Variants in PROS1 observed in about 807,000 individuals in gnomAD.
The protein encoded by PROS1 is protein S.
A neutral mutation model predicts 75.9 loss-of-function variants in PROS1; 29 were observed. The ratio of observed to expected loss-of-function variants is 0.38; its 90% confidence interval spans 0.28 to 0.52. The LOEUF (loss-of-function observed/expected upper bound fraction) is 0.52, where lower values mean the gene tolerates loss of function less well. Among genes scored for constraint, PROS1 ranks in the 20% least tolerant of loss-of-function variants. PROS1 has a pLI of 0.83. For synonymous variants in PROS1, 245 were observed against 280.6 expected (o/e 0.87, Z 1.27); for missense variants, 680 against 810.3 (o/e 0.84, Z 1.95).
chr3:93,905,334 G>A (rs1430451917), intron 6 of PROS1, among the ~76,000 whole-genome samples: 2 of 152,176 alleles, frequency 1.3e-5, no homozygotes, highest in Non-Finnish European at 2.9e-5. Flanking sequence ...ATGCAGGCCA[G>A]GCAGAGAGCT....
chr3:93,921,048 G>T (rs1214218886), intron 3 of PROS1, among the ~76,000 whole-genome samples: 1 of 152,144 alleles, frequency 6.6e-6, no homozygotes, highest in East Asian at 1.9e-4. Context: ...TGTATGAACT[G>T]AGGTAATAAT....
rs1576196437 is a variant in PROS1 at position 93,923,792 on chromosome 3, C to CG, written c.259+447dup. ...GCACATGCCTGTAATCCCAGCTACT[C>CG]GGGAGGCTGAGGCACTTGAGAATCA... On this transcript the variant is annotated intron_variant, in intron 3 of 14. Coordinates refer to ENST00000394236, the MANE Select transcript of PROS1 (RefSeq NM_000313.4). 2.0e-5 allele frequency among the ~76,000 whole-genome samples: 3 copies of CG among 151,906 alleles called. No individual in the cohort carries two copies. In the East Asian group the frequency reaches 5.8e-4, roughly 29 times the overall value.
rs541565156 is a variant in PROS1, at chr3:93,928,959, G to T, written c.77-1552C>A. On this transcript the variant is annotated intron_variant, in intron 1 of 14. Transcript: ENST00000394236. The stretch of plus-strand genomic sequence containing the variant: ...GAATGATAATATCAATTATTGGTGA[G>T]AGTAAGGGAAAACATGCATTCTTGT... Among the ~76,000 whole-genome samples the T allele has an allele frequency of 2.0e-5, 3 of 152,290 alleles. No individual in the cohort carries two copies. The East Asian group carries it at 5.8e-4, about 29-fold the overall frequency.
At chr3:93,972,182 C>G (rs1709891271) in intron 1 of PROS1, among the ~76,000 whole-genome samples, 2 of 152,172 alleles carry the variant, frequency 1.3e-5, no homozygotes, top group Non-Finnish European at 2.9e-5. Context: ...TTGCCTTTCT[C>G]CTCTCCAAAA....
At chr3:93,946,275 T>C (rs762343687) in intron 1 of PROS1, among the ~76,000 whole-genome samples, 2 of 152,164 alleles carry the variant, frequency 1.3e-5, no homozygotes, top group African/African-American at 2.4e-5. Flanking sequence ...AAGCTACCAA[T>C]GACTTTCTTC....
At chr3:93,953,698 T>C (rs1271027455) in intron 1 of PROS1, among the ~76,000 whole-genome samples, 3 of 152,148 alleles carry the variant, frequency 2.0e-5, no homozygotes, top group Non-Finnish European at 4.4e-5. Context: ...ACCACTTGTA[T>C]TCAAAATAGG....
chr3:93,943,605 C>T (rs966060892), intron 1 of PROS1, among the ~76,000 whole-genome samples: 1 of 152,012 alleles, frequency 6.6e-6, no homozygotes, highest in African/African-American at 2.4e-5. Context: ...CTCCATACCA[C>T]CCCCCCAAAA....
At chr3:93,887,545 C>A (rs1396099241) in intron 10 of PROS1, among the ~76,000 whole-genome samples, 1 of 152,152 alleles carries the variant, frequency 6.6e-6, no homozygotes. Context: ...TATTAAAACA[C>A]CATGATAGGA....
chr3:93,897,435 C>T (rs560395913), intron 8 of PROS1, among the ~76,000 whole-genome samples: 1 of 151,888 alleles, frequency 6.6e-6, no homozygotes, highest in South Asian at 2.1e-4. Flanking sequence ...ATTTTATTTC[C>T]CCTTAAAACT....
intron 1 of PROS1, among the ~76,000 whole-genome samples, chr3:93,928,077 T>G (rs564335619): frequency 7.5e-6 from 1 of 133,628 alleles, no homozygotes; most frequent in African/African-American, 2.8e-5. Flanking sequence ...TGCAGTGGCA[T>G]GATCTCGGCT....
In PROS1 at chr3:93,906,111, T is replaced by G; in HGVS notation, c.379A>C (p.Asn127His). ...TTGCAGCTCATATATCCATCTTCAT[T>G]GCATGGCAGAGGACTACACTGGTCT... is the stretch of plus-strand genomic sequence containing the variant. ...IPDQCSPLPC[N>H]EDGYMSCKDG... The change falls in exon 5 of 15, where the codon AAT becomes CAT. Residue 127 changes from asparagine to histidine, a missense_variant. Physicochemically the swap from Asn to His is moderately conservative, Grantham distance 68 (BLOSUM62 1). Transcript: ENST00000394236. 2 of 1,614,028 alleles carry G rather than the reference T, an allele frequency of 1.2e-6. No individual in the cohort carries two copies. The highest frequency in any genetic ancestry group is 1.7e-6 in the Non-Finnish European group (2 of 1,179,998).
Position 93,942,230 on chromosome 3 carries a change from G to A in PROS1, c.77-14823C>T, listed in dbSNP as rs192224372. Reference sequence around the variant, plus strand: ...CCCCTCCACTCCCTCTCCGCAAGCCGAACTCATTGCCTTAACTAGAGCCCT... The same window carrying A: ...CCCCTCCACTCCCTCTCCGCAAGCCAAACTCATTGCCTTAACTAGAGCCCT... On this transcript the variant is annotated intron_variant, in intron 1 of 14. Coordinates refer to ENST00000394236, the MANE Select transcript of PROS1 (RefSeq NM_000313.4). 8.7e-4 allele frequency among the ~76,000 whole-genome samples: 133 copies of A among 152,138 alleles called. 2 individuals are homozygous for A. In the East Asian group the frequency reaches 0.021, roughly 24 times the overall value.
intron 12 of PROS1, 60 bp from the exon 13 acceptor site, chr3:93,879,374 A>G: frequency 6.4e-7 from 1 of 1,559,490 alleles, no homozygotes; most frequent in Non-Finnish European, 8.8e-7. Context: ...ATCAGAAGGA[A>G]TTATTATTAA....
chr3:93,897,319 C>T (rs985240617), intron 8 of PROS1, among the ~76,000 whole-genome samples: 1 of 151,698 alleles, frequency 6.6e-6, no homozygotes, highest in African/African-American at 2.4e-5. Context: ...TGAAAACAAA[C>T]ATTAAAATGA....
At position 93,927,245 on chromosome 3, in the gene PROS1, C is replaced by T. The variant is rs187264712; in HGVS notation, c.234+5G>A. ...GTGAACTTGATAGTTTCCATAAATG[C>T]TTACCGTTTCCGGGTCATTTTCAAA... On this transcript the variant is annotated splice_donor_5th_base_variant and intron_variant, in intron 2 of 14. Coordinates refer to ENST00000394236, the MANE Select transcript of PROS1 (RefSeq NM_000313.4). 1,289 of 1,612,214 alleles carry T rather than the reference C, an allele frequency of 8.0e-4. 2 individuals are homozygous for T. Among genetic ancestry groups the T allele is most frequent in the Non-Finnish European group, 3.9e-4 (465 of 1,180,000 alleles).
chr3:93,948,753 T>C (rs1576211085), intron 1 of PROS1, among the ~76,000 whole-genome samples: 1 of 152,234 alleles, frequency 6.6e-6, no homozygotes, highest in Admixed American at 6.5e-5. Flanking sequence ...CCTATTTTTG[T>C]TTTATGCGTG....
At position 93,876,998 on chromosome 3, in the gene PROS1, G is replaced by C. The variant is rs767529331; in HGVS notation, c.1838C>G (p.Ala613Gly). ...QLAVLDKAMK[A>G]KVATYLGGLP... The stretch of plus-strand genomic sequence containing the variant: ...GCCACCCAGGTATGTGGCCACTTTT[G>C]CTTTCATTGCTTTGTCCAAGACGGC... Residue 613 changes from alanine (A) to glycine (G), a missense_variant, in exon 14 of 15, where the codon GCA becomes GGA. Physicochemically the swap from Ala to Gly is moderately conservative, Grantham distance 60. Transcript: ENST00000394236. 6 of 1,612,674 alleles carry C rather than the reference G, an allele frequency of 3.7e-6. No homozygotes were observed. The South Asian group carries it at 4.4e-5, about 12-fold the overall frequency.
At chr3:93,927,925 G>GTATATATATATACT in intron 1 of PROS1, among the ~76,000 whole-genome samples, 17 of 127,234 alleles carry the variant, frequency 1.3e-4, no homozygotes, top group African/African-American at 5.0e-4. Context: ...ATATATATAT[G>GTATATATATATACT]TGTATATATA....
chr3:93,912,757 C>T (rs181994025), intron 3 of PROS1, among the ~76,000 whole-genome samples: 14 of 152,286 alleles, frequency 9.2e-5, no homozygotes, highest in African/African-American at 1.4e-4. Context: ...AAGAGCAAGA[C>T]GCTGAATTTG....
Sources: gnomAD v4.1 joint callset for allele counts (sites outside exome capture counted in the v4.1 genomes callset) on GRCh38, gnomAD v4.1.1 for gene constraint, MANE v1.5 for transcripts, NCBI Gene and HGNC (gene_info 2026-07-23, HGNC 2026-07-21) for gene names.